Variants in LEPROT observed in about 807,000 individuals in gnomAD.
LEPROT encodes the protein leptin receptor overlapping transcript.
Under a neutral mutation model 15.4 loss-of-function variants are expected in LEPROT, and 3 were observed. The observed-to-expected ratio is 0.19, with a 90% CI of 0.09 to 0.50. The LOEUF (loss-of-function observed/expected upper bound fraction) is 0.50, where lower values mean the gene tolerates loss of function less well. LEPROT is among the 20% of genes least tolerant of loss of function. LEPROT has a pLI of 0.97. For missense variants in LEPROT, 137 were observed against 162.2 expected (o/e 0.84, Z 0.84); for synonymous variants, 59 against 57.5 (o/e 1.03, Z -0.12).
chr1:65,421,028 A>G (rs1460228763), intron 1 of LEPROT, among the ~76,000 whole-genome samples: 3 of 151,456 alleles, frequency 2.0e-5, no homozygotes, highest in Non-Finnish European at 4.4e-5. Context: ...GGCGCCCTCC[A>G]CCTCTCCTGA....
At position 65,432,311 on chromosome 1, in the gene LEPROT, C is replaced by G. The variant is rs1367197735; in HGVS notation, c.*392C>G. The G allele has an allele frequency of 7.1e-6, 7 of 992,210 alleles. No homozygotes were observed. Among genetic ancestry groups the G allele is most frequent in the Non-Finnish European group, 7.2e-6 (6 of 834,406 alleles). The allele number at this position is 992,210 out of a possible 1,614,324, so 61.5% of individuals were successfully genotyped here. A position where few individuals can be genotyped will look rare whatever the true frequency, so the allele number is the denominator to read the frequency against. ...CCCAGGAAGGCCGGGGTGGATCCCT[C>G]TTTGTGTTGTAGTCCATGCTATTAA... is the stretch of plus-strand genomic sequence containing the variant. On this transcript the variant is annotated 3_prime_UTR_variant, in exon 4 of 4. Coordinates refer to ENST00000371065, the MANE Select transcript of LEPROT (RefSeq NM_017526.5).
rs1311436368 is a variant in LEPROT, at chr1:65,433,038, T to C, written c.*1119T>C. 1.0e-6 allele frequency: 1 copy of C among 985,160 alleles called. No homozygotes were observed. The highest frequency in any genetic ancestry group is 1.2e-6 in the Non-Finnish European group (1 of 829,836). The allele number at this position is 985,160 out of a possible 1,614,324, so 61.0% of individuals were successfully genotyped here. A position where few individuals can be genotyped will look rare whatever the true frequency, so the allele number is the denominator to read the frequency against. On this transcript the variant is annotated 3_prime_UTR_variant, in exon 4 of 4. Transcript: ENST00000371065. The stretch of plus-strand genomic sequence containing the variant: ...TGAAAGACAATGCTGGGGGAAGAGC[T>C]CCACTGAGATGCGGGCAGGGAGGCT...
In LEPROT at chr1:65,431,842, G is replaced by A. The variant is rs989866213; in HGVS notation, c.319G>A (p.Ala107Thr). ...GACGLVLAGN[A>T]VIFLTIQGFF... ...CTGCGGCCTTGTGTTGGCAGGCAAT[G>A]CAGTCATTTTCCTTACAATTCAAGG... The change falls in exon 4 of 4, where the codon GCA becomes ACA. Residue 107 changes from alanine (A) to threonine (T), a missense_variant. Ala to Thr is a moderately conservative substitution (Grantham distance 58). Transcript: ENST00000371065. 1.9e-6 allele frequency: 3 copies of A among 1,614,030 alleles called. No individual in the cohort carries two copies. The highest frequency in any genetic ancestry group is 1.3e-5 in the African/African-American group (1 of 75,046).
chr1:65,424,964 CA>C (rs1399128841), intron 1 of LEPROT, among the ~76,000 whole-genome samples: 1 of 152,204 alleles, frequency 6.6e-6, no homozygotes, highest in African/African-American at 2.4e-5. Context: ...ACACATAATG[CA>C]GTCTGTAACG....
chr1:65,421,024 C>G (rs1646237713), intron 1 of LEPROT, among the ~76,000 whole-genome samples: 1 of 152,200 alleles, frequency 6.6e-6, no homozygotes, highest in Admixed American at 6.5e-5. Context: ...GAGCGGCGCC[C>G]TCCACCTCTC....
intron 1 of LEPROT, 78 bp from the exon 2 acceptor site, chr1:65,425,225 C>A: frequency 8.1e-7 from 1 of 1,227,050 alleles, no homozygotes; most frequent in Non-Finnish European, 1.2e-6. Flanking sequence ...TTAGAAGTCA[C>A]TCCCCATTTC....
intron 3 of LEPROT, among the ~76,000 whole-genome samples, chr1:65,430,977 T>C (rs1442321807): frequency 6.6e-6 from 1 of 152,156 alleles, no homozygotes; most frequent in Admixed American, 6.5e-5. Flanking sequence ...ATGCAGTATA[T>C]AGAATAAAGA....
chr1:65,422,516 G>A lies in LEPROT; in HGVS notation c.16+1776G>A, dbSNP rs947694113. Among the ~76,000 whole-genome samples the A allele has an allele frequency of 1.8e-4, 28 of 152,210 alleles. 1 individual carries two copies. Among genetic ancestry groups the A allele is most frequent in the Non-Finnish European group, 8.8e-5 (6 of 68,036 alleles). The stretch of plus-strand genomic sequence containing the variant: ...CATCCAGTTTGTGGTACTTTGTAAC[G>A]GCAGCCCTAGGAAGCTGATGCAGGT... On this transcript the variant is annotated intron_variant, in intron 1 of 3. Transcript: ENST00000371065.
At chr1:65,420,762 G>A (rs539912626) in intron 1 of LEPROT, 22 bp downstream of exon 1, 1 of 1,576,510 alleles carries the variant, frequency 6.3e-7, no homozygotes, top group Non-Finnish European at 8.6e-7. Flanking sequence ...TCCCCGGCTC[G>A]CTTGTCGTGT....
rs78237116 is a variant in LEPROT at position 65,432,029 on chromosome 1, C to T, written c.*110C>T. ...ATTTAATATGCTGGGTTTTTTAATA[C>T]CTTTATATATCATGTTCACTTTAAG... On this transcript the variant is annotated 3_prime_UTR_variant, in exon 4 of 4. Coordinates refer to ENST00000371065, the MANE Select transcript of LEPROT (RefSeq NM_017526.5). 311 of 1,441,892 alleles carry T rather than the reference C, an allele frequency of 2.2e-4. 3 individuals carry two copies. The East Asian group carries it at 6.6e-3, about 31-fold the overall frequency. 89.3% of individuals were successfully genotyped at this position (1,441,892 alleles called of 1,614,324 possible).
chr1:65,432,773 G>C lies in LEPROT; in HGVS notation c.*854G>C. ...CAGCATGCTAAATATAGGAATAATT[G>C]AATGTATATTTCAATATTGCTAAGA... On this transcript the variant is annotated 3_prime_UTR_variant, in exon 4 of 4. Coordinates refer to ENST00000371065, the MANE Select transcript of LEPROT (RefSeq NM_017526.5). 1 of 527,386 alleles carries C rather than the reference G, an allele frequency of 1.9e-6. No individual in the cohort carries two copies. Among genetic ancestry groups the C allele is most frequent in the Non-Finnish European group, 2.4e-6 (1 of 411,924 alleles). The allele number at this position is 527,386 out of a possible 1,614,324, so 32.7% of individuals were successfully genotyped here.
intron 3 of LEPROT, chr1:65,430,407 C>G (rs1420145478): frequency 6.2e-6 from 1 of 162,050 alleles, no homozygotes; most frequent in African/African-American, 2.4e-5. Context: ...AATTCTTCTC[C>G]TGCAAATGGG....
Position 65,430,012 on chromosome 1 carries a change from C to A in LEPROT, c.243C>A (p.Ala81=). 6.4e-7 allele frequency: 1 copy of A among 1,567,308 alleles called. No homozygotes were observed. The highest frequency in any genetic ancestry group is 8.7e-7 in the Non-Finnish European group (1 of 1,145,012). ...YFFTTGIVVS[A]FGFPVILARV... ...TCACTACTGGAATTGTTGTTTCTGCCTTTGGATTTCCTGTTATTCTTGCTC... is the reference window on the plus strand; with the variant it reads ...TCACTACTGGAATTGTTGTTTCTGCATTTGGATTTCCTGTTATTCTTGCTC... Residue 81 remains alanine, a synonymous_variant, in exon 3 of 4, where the codon GCC becomes GCA. Transcript: ENST00000371065.
chr1:65,433,171 C>T lies in LEPROT; in HGVS notation c.*1252C>T, dbSNP rs1050548348. 1.0e-6 allele frequency: 1 copy of T among 985,354 alleles called. No homozygotes were observed. The highest frequency in any genetic ancestry group is 1.7e-5 in the African/African-American group (1 of 57,222). The allele number at this position is 985,354 out of a possible 1,614,324, so 61.0% of individuals were successfully genotyped here. On this transcript the variant is annotated 3_prime_UTR_variant, in exon 4 of 4. Coordinates refer to ENST00000371065, the MANE Select transcript of LEPROT (RefSeq NM_017526.5). ...CTCCCCAGCTCCTTCCCTCTGCCCC[C>T]CACCCCTACTCCTCAACAGTTCTGG...
chr1:65,429,345 G>A (rs1307063022), intron 2 of LEPROT, among the ~76,000 whole-genome samples: 2 of 152,182 alleles, frequency 1.3e-5, no homozygotes, highest in Non-Finnish European at 2.9e-5. Context: ...AAAGGCTGGT[G>A]TGGCTACAGA....
rs1308079016 is a variant in LEPROT at position 65,433,460 on chromosome 1, T to A, written c.*1541T>A. On this transcript the variant is annotated 3_prime_UTR_variant, in exon 4 of 4. Transcript: ENST00000371065. ...AGGGAAATATGGGAAGGAGAACCAT[T>A]TGATCAGAATACAACCAATAGTCTT... 1.0e-6 allele frequency: 1 copy of A among 985,294 alleles called. No homozygotes were observed. Among genetic ancestry groups the A allele is most frequent in the East Asian group, 1.1e-4 (1 of 8,826 alleles). The allele number at this position is 985,294 out of a possible 1,614,324, so 61.0% of individuals were successfully genotyped here.
chr1:65,433,916 A>T lies in LEPROT; in HGVS notation c.*1997A>T. On this transcript the variant is annotated 3_prime_UTR_variant, in exon 4 of 4. Transcript: ENST00000371065. ...CAGTTTTGAGCAATAATCTGTCCTA[A>T]CAGAACAGTAGCAATAAGTTTTAGG... 2.0e-6 allele frequency: 2 copies of T among 985,176 alleles called. No individual in the cohort carries two copies. Among genetic ancestry groups the T allele is most frequent in the South Asian group, 9.4e-5 (2 of 21,284 alleles). The allele number at this position is 985,176 out of a possible 1,614,324, so 61.0% of individuals were successfully genotyped here.
Position 65,425,332 on chromosome 1 carries a change from AT to A in LEPROT, c.48del (p.Ile16MetfsTer3). 1 of 1,608,688 alleles carries A rather than the reference AT, an allele frequency of 6.2e-7. No individual in the cohort carries two copies. The highest frequency in any genetic ancestry group is 1.7e-4 in the Middle Eastern group (1 of 6,048). ...ALVALSFSGA[I>X]GLTFLMLGCA... ...CGTGGCATTATCCTTCAGTGGGGCTATTGGACTGACTTTTCTTATGCTGGGA... is the reference window on the plus strand; with the variant it reads ...CGTGGCATTATCCTTCAGTGGGGCTATGGACTGACTTTTCTTATGCTGGGA... On this transcript the variant is annotated frameshift_variant, in exon 2 of 4. Transcript: ENST00000371065. LOFTEE classifies it high-confidence loss of function.
At chr1:65,429,769 A>T in intron 2 of LEPROT, 93 bp from the exon 3 acceptor site, 1 of 1,123,932 alleles carries the variant, frequency 8.9e-7, no homozygotes. Flanking sequence ...CTAAACATTT[A>T]AAATAGCAAT....
Sources: gnomAD v4.1 joint callset for allele counts (sites outside exome capture counted in the v4.1 genomes callset) on GRCh38, gnomAD v4.1.1 for gene constraint, MANE v1.5 for transcripts, NCBI Gene and HGNC (gene_info 2026-07-23, HGNC 2026-07-21) for gene names.